The following MID1 variants were observed in gnomAD, a reference collection of about 807,000 sequenced individuals.
MID1 encodes the protein E3 ubiquitin-protein ligase Midline-1.
In MID1, 7 loss-of-function variants were observed where a neutral mutation model predicts 40.4. That is an observed-to-expected ratio of 0.17 (90% confidence interval 0.10 to 0.33). The LOEUF is 0.33. Among genes scored for constraint, MID1 ranks in the 10% least tolerant of loss-of-function variants. MID1 has a pLI of 1.00. For synonymous variants in MID1, 229 were observed against 221.2 expected, an observed-to-expected ratio of 1.04 and a Z score of -0.31; for missense variants, 367 against 558.5, an observed-to-expected ratio of 0.66 and a Z score of 3.46.
chrX:10,772,676 A>C (rs1332135309), intron 1 of MID1, among the ~76,000 whole-genome samples: 1 of 111,550 alleles, frequency 9.0e-6, no homozygotes, highest in Non-Finnish European at 1.9e-5. Flanking sequence ...AGATCAAATA[A>C]ATAAGAATTT....
In MID1 at chrX:10,566,522, CCTCTCTCTCCCTCT is replaced by C. The variant is rs1180454575; in HGVS notation, c.660+352_660+365del. 2.4e-4 allele frequency among the ~76,000 whole-genome samples: 20 copies of C among 82,259 alleles called. No individual in the cohort carries two copies. In the East Asian group the frequency reaches 2.8e-3, roughly 11 times the overall value. 71.4% of individuals were successfully genotyped at this position (82,259 alleles called of 115,157 possible). A position where few individuals can be genotyped will look rare whatever the true frequency, so the allele number is the denominator to read the frequency against. On this transcript the variant is annotated intron_variant, in intron 2 of 9. Transcript: ENST00000317552. ...TTCTCTCTCTCTCTCCCTCTCTCTC[CCTCTCTCTCCCTCT>C]CTCTCTCTCTCTCTCTCTCTCTCTC... is the stretch of plus-strand genomic sequence containing the variant.
intron 7 of MID1, among the ~76,000 whole-genome samples, chrX:10,464,269 C>A (rs1025683662): frequency 8.9e-6 from 1 of 112,079 alleles, no homozygotes; most frequent in African/African-American, 3.2e-5. Flanking sequence ...TATGCATGAC[C>A]TTTTTGCATC....
chrX:10,493,635 C>A lies in MID1; in HGVS notation c.864+1949G>T, dbSNP rs761323933. 1.3e-4 allele frequency among the ~76,000 whole-genome samples: 14 copies of A among 111,618 alleles called. No individual in the cohort carries two copies. In the Middle Eastern group the frequency reaches 0.014, roughly 111 times the overall value. The stretch of plus-strand genomic sequence containing the variant: ...CTATTGCATGGCATGGTGAAAACAG[C>A]AAATAAATAATAACGTATTATACAG... On this transcript the variant is annotated intron_variant, in intron 4 of 9. Transcript: ENST00000317552.
In MID1 at chrX:10,577,657, T is replaced by C. The variant is rs748450002; in HGVS notation, c.-56-10054A>G. ...TAAAAACATCGTGTGTGTATATATA[T>C]ATATATATTTAATATTACATACACG... On this transcript the variant is annotated intron_variant, in intron 1 of 9. Coordinates refer to ENST00000317552, the MANE Select transcript of MID1 (RefSeq NM_000381.4). Among the ~76,000 whole-genome samples, 4 of 108,853 alleles carry C rather than the reference T, an allele frequency of 3.7e-5. No individual in the cohort carries two copies. The South Asian group carries it at 1.6e-3, about 43-fold the overall frequency. The allele number at this position is 108,853 out of a possible 115,157, so 94.5% of individuals were successfully genotyped here. A position where few individuals can be genotyped will look rare whatever the true frequency, so the allele number is the denominator to read the frequency against.
chrX:10,446,004 G>A lies in MID1; in HGVS notation c.*3364C>T, dbSNP rs1242956951. On this transcript the variant is annotated 3_prime_UTR_variant, in exon 10 of 10. Transcript: ENST00000317552. The stretch of plus-strand genomic sequence containing the variant: ...TGATATTTGAGCAAGACAACTCTTC[G>A]TGGTCGGGGGCTGCGCTTGCACTGT... 1 of 111,301 alleles carries A rather than the reference G, an allele frequency of 9.0e-6. No individual in the cohort carries two copies. The highest frequency in any genetic ancestry group is 2.8e-4 in the East Asian group (1 of 3,540). 9.2% of individuals were successfully genotyped at this position (111,301 alleles called of 1,213,427 possible). A position where few individuals can be genotyped will look rare whatever the true frequency, so the allele number is the denominator to read the frequency against.
At chrX:10,548,460 C>T (rs1933783421) in intron 2 of MID1, among the ~76,000 whole-genome samples, 3 of 112,083 alleles carry the variant, frequency 2.7e-5, no homozygotes, top group Admixed American at 1.9e-4. Flanking sequence ...TGATTGAACA[C>T]CATTTTATAA....
At chrX:10,490,696 A>T (rs1454532338) in intron 4 of MID1, among the ~76,000 whole-genome samples, 1 of 112,032 alleles carries the variant, frequency 8.9e-6, no homozygotes, top group Non-Finnish European at 1.9e-5. Context: ...AAGATCATAC[A>T]CTCTACATAA....
Position 10,636,785 on chromosome X carries a change from GATATATATATAT to G in MID1, c.-186-16378_-186-16367del, listed in dbSNP as rs60188235. 2.4e-3 allele frequency among the ~76,000 whole-genome samples: 104 copies of G among 42,707 alleles called. 10 individuals carry two copies. Among genetic ancestry groups the G allele is most frequent in the South Asian group, 0.011 (8 of 724 alleles). 37.1% of individuals were successfully genotyped at this position (42,707 alleles called of 115,157 possible). ...CAAACTGGGCCATTCCAACAATGGG[GATATATATATAT>G]ATATATATATATATATATATACACC... On this transcript the variant is annotated intron_variant, in intron 1 of 10. Coordinates refer to the MID1 transcript ENST00000380785.
intron 1 of MID1, among the ~76,000 whole-genome samples, chrX:10,731,555 G>A (rs1361571978): frequency 2.7e-5 from 3 of 111,887 alleles, no homozygotes; most frequent in African/African-American, 9.7e-5. Flanking sequence ...TTTGTGAGAT[G>A]TAGCTTAAAG....
At chrX:10,576,452 G>A (rs1160200066) in intron 1 of MID1, among the ~76,000 whole-genome samples, 2 of 111,474 alleles carry the variant, frequency 1.8e-5, no homozygotes, top group South Asian at 3.8e-4. Context: ...ATGGAAGCTG[G>A]GTCACACTGT....
At chrX:10,809,398 T>C (rs756773079) in intron 1 of MID1, among the ~76,000 whole-genome samples, 4 of 111,672 alleles carry the variant, frequency 3.6e-5, no homozygotes, top group African/African-American at 1.3e-4. Context: ...GGGCTAGAAA[T>C]ACCATTTGAC....
At chrX:10,532,828 G>C (rs377409241) in intron 2 of MID1, among the ~76,000 whole-genome samples, 2 of 109,520 alleles carry the variant, frequency 1.8e-5, no homozygotes, top group Non-Finnish European at 3.8e-5. Context: ...AGTGCAATGG[G>C]GCGATCTCAG....
chrX:10,800,945 G>T (rs1052113662), intron 1 of MID1, among the ~76,000 whole-genome samples: 17 of 112,089 alleles, frequency 1.5e-4, no homozygotes, highest in African/African-American at 5.5e-4. Context: ...ACTAGAAGAT[G>T]ACTGAGTTAT....
intron 1 of MID1, among the ~76,000 whole-genome samples, chrX:10,678,799 T>C (rs896639201): frequency 4.5e-5 from 5 of 112,151 alleles, no homozygotes; most frequent in African/African-American, 1.6e-4. Flanking sequence ...TCACTTGCAA[T>C]AAAATCAATG....
chrX:10,572,266 C>T (rs1211917709), intron 1 of MID1, among the ~76,000 whole-genome samples: 1 of 108,729 alleles, frequency 9.2e-6, no homozygotes, highest in East Asian at 2.9e-4. Context: ...ATAACAGTAT[C>T]AGGCCGGGCA....
Position 10,566,875 on chromosome X carries a change from G to A in MID1, c.660+13C>T, listed in dbSNP as rs749443904. On this transcript the variant is annotated intron_variant, in intron 2 of 9. Coordinates refer to ENST00000317552, the MANE Select transcript of MID1 (RefSeq NM_000381.4). ...TGGCAGAAAGGGGTTGGCTTAAGGC[G>A]GATCGGACTAACCTTCAATTTGTCA... is the stretch of plus-strand genomic sequence containing the variant. The A allele has an allele frequency of 1.3e-5, 16 of 1,207,406 alleles. No individual in the cohort carries two copies. Among genetic ancestry groups the A allele is most frequent in the South Asian group, 5.3e-5 (3 of 56,708 alleles).
intron 1 of MID1, among the ~76,000 whole-genome samples, chrX:10,593,637 C>T: frequency 9.0e-6 from 1 of 110,723 alleles, no homozygotes; most frequent in Non-Finnish European, 1.9e-5. Context: ...TCACTTCCAG[C>T]TCTACAATTC....
At chrX:10,457,686 A>G (rs1305750402) in intron 8 of MID1, among the ~76,000 whole-genome samples, 2 of 111,926 alleles carry the variant, frequency 1.8e-5, no homozygotes, top group African/African-American at 6.5e-5. Flanking sequence ...CTCTCCACCA[A>G]TCATTGGTAT....
chrX:10,518,451 T>C (rs187463371), intron 3 of MID1, among the ~76,000 whole-genome samples: 162 of 111,826 alleles, frequency 1.4e-3, no homozygotes, highest in African/African-American at 4.8e-3. Context: ...AAATTAGCTA[T>C]GCTAGTCTGG....
Sources: gnomAD v4.1 joint callset for allele counts (sites outside exome capture counted in the v4.1 genomes callset) on GRCh38, gnomAD v4.1.1 for gene constraint, MANE v1.5 for transcripts, NCBI Gene and HGNC (gene_info 2026-07-23, HGNC 2026-07-21) for gene names.